Variants in MPP7 observed in about 807,000 individuals in gnomAD.
MPP7 encodes MAGUK p55 scaffold protein 7, also known as MAGUK p55 subfamily member 7.
Under a neutral mutation model 76.5 loss-of-function variants are expected in MPP7, and 60 were observed. That is an observed-to-expected ratio of 0.78 (90% CI 0.64 to 0.97). MPP7 has a LOEUF of 0.97. MPP7 is among the 50% of genes least tolerant of loss of function. The pLI is 0.00. For missense variants in MPP7, 641 were observed against 694.0 expected, an observed-to-expected ratio of 0.92 and a Z score of 0.86; for synonymous variants, 237 against 244.5, an observed-to-expected ratio of 0.97 and a Z score of 0.29.
At chr10:28,244,182 A>G (rs1384399610) in intron 1 of MPP7, among the ~76,000 whole-genome samples, 1 of 152,196 alleles carries the variant, frequency 6.6e-6, no homozygotes, top group African/African-American at 2.4e-5. Flanking sequence ...CCACTATTCT[A>G]TATCCTTACA....
chr10:28,296,132 C>T (rs1457759484), intron 1 of MPP7, among the ~76,000 whole-genome samples: 1 of 152,132 alleles, frequency 6.6e-6, no homozygotes, highest in East Asian at 1.9e-4. Flanking sequence ...TCTTAAAATG[C>T]TTAATGACCT....
rs979414776 is a variant in MPP7 at position 28,052,123 on chromosome 10, T to C, written c.*1942A>G. On this transcript the variant is annotated 3_prime_UTR_variant, in exon 17 of 17. Transcript: ENST00000683449. The stretch of plus-strand genomic sequence containing the variant: ...AAATAACTGAAGCAATTATCTGCAA[T>C]TTTTTTAAAATGTGGGTATTTCAGG... 1.3e-5 allele frequency: 2 copies of C among 151,140 alleles called. No homozygotes were observed. Among genetic ancestry groups the C allele is most frequent in the Admixed American group, 1.3e-4 (2 of 15,224 alleles). 9.4% of individuals were successfully genotyped at this position (151,140 alleles called of 1,614,324 possible).
intron 2 of MPP7, among the ~76,000 whole-genome samples, chr10:28,229,349 A>G (rs769607844): frequency 4.6e-5 from 7 of 152,248 alleles, no homozygotes; most frequent in Non-Finnish European, 1.0e-4. Context: ...GGAAAAAATA[A>G]TAACTGCTAA....
intron 2 of MPP7, among the ~76,000 whole-genome samples, chr10:28,313,853 A>ATTTTTTT (rs1192149562): frequency 6.1e-4 from 20 of 32,670 alleles, no homozygotes; most frequent in African/African-American, 1.4e-3. Context: ...TACCTGGCTA[A>ATTTTTTT]TTTTTTTTTT....
chr10:28,197,625 C>G (rs565181556), intron 3 of MPP7, among the ~76,000 whole-genome samples: 1 of 152,166 alleles, frequency 6.6e-6, no homozygotes, highest in Non-Finnish European at 1.5e-5. Context: ...TCTTAGAATA[C>G]TGTAATCATC....
At chr10:28,273,225 G>A (rs1489078323) in intron 1 of MPP7, among the ~76,000 whole-genome samples, 1 of 152,080 alleles carries the variant, frequency 6.6e-6, no homozygotes, top group Non-Finnish European at 1.5e-5. Flanking sequence ...GCCCCAAAAT[G>A]TTATTTTAAA....
intron 12 of MPP7, 45 bp from the exon 13 acceptor site, chr10:28,069,897 C>T: frequency 7.0e-7 from 1 of 1,430,592 alleles, no homozygotes; most frequent in Non-Finnish European, 9.8e-7. Context: ...CAAAACACCA[C>T]ATAAACATTT....
At chr10:28,169,105 T>C (rs1359069088) in intron 3 of MPP7, among the ~76,000 whole-genome samples, 4 of 152,166 alleles carry the variant, frequency 2.6e-5, no homozygotes, top group African/African-American at 9.7e-5. Flanking sequence ...TAAAACTTGA[T>C]ATCTAGTGGG....
intron 3 of MPP7, among the ~76,000 whole-genome samples, chr10:28,168,427 G>A (rs1836562229): frequency 6.6e-6 from 1 of 152,008 alleles, no homozygotes; most frequent in South Asian, 2.1e-4. Flanking sequence ...TTATTTATGG[G>A]ACACCTTGAT....
chr10:28,098,911 C>T (rs1045642593), intron 11 of MPP7, among the ~76,000 whole-genome samples: 3 of 151,502 alleles, frequency 2.0e-5, no homozygotes, highest in African/African-American at 4.8e-5. Flanking sequence ...TAAGTAGTAA[C>T]GATGAAAAAA....
At chr10:28,290,991 C>T (rs1272609851) in intron 1 of MPP7, among the ~76,000 whole-genome samples, 1 of 152,058 alleles carries the variant, frequency 6.6e-6, no homozygotes, top group Non-Finnish European at 1.5e-5. Flanking sequence ...TAGGATTATC[C>T]TGATGACACG....
Position 28,118,521 on chromosome 10 carries a change from C to T in MPP7, c.952+1130G>A, listed in dbSNP as rs73606067. On this transcript the variant is annotated intron_variant, in intron 11 of 16. Coordinates refer to ENST00000683449, the MANE Select transcript of MPP7 (RefSeq NM_001318170.2). ...AAAATCCCTTTGAGAGCCAGTCAGG[C>T]AAGGAGCCTCAAAGCTCCTTTCTGT... 4.0e-3 allele frequency: 3,964 copies of T among 985,264 alleles called. 103 individuals carry two copies. In the African/African-American group the frequency reaches 0.056, roughly 14 times the overall value. The allele number at this position is 985,264 out of a possible 1,614,324, so 61.0% of individuals were successfully genotyped here.
chr10:28,246,741 A>G (rs1362958142), intron 1 of MPP7, among the ~76,000 whole-genome samples: 1 of 152,138 alleles, frequency 6.6e-6, no homozygotes, highest in Non-Finnish European at 1.5e-5. Context: ...TCACAAAAAG[A>G]GCATGGTGGA....
At chr10:28,310,865 G>T (rs1841286071) in intron 2 of MPP7, among the ~76,000 whole-genome samples, 1 of 152,196 alleles carries the variant, frequency 6.6e-6, no homozygotes. Flanking sequence ...TTTGGTTGGT[G>T]CAAAAGCAAT....
rs757882384 is a variant in MPP7 at position 28,059,624 on chromosome 10, G to A, written c.1298+26C>T. On this transcript the variant is annotated intron_variant, in intron 14 of 16. Coordinates refer to ENST00000683449, the MANE Select transcript of MPP7 (RefSeq NM_001318170.2). ...ATGTGCTTATAAAAAACAGTCACAT[G>A]AAAATTCTCAAAAATGTCCACATAC... The A allele has an allele frequency of 1.1e-5, 17 of 1,547,618 alleles. No homozygotes were observed. The African/African-American group carries it at 1.9e-4, about 17-fold the overall frequency.
intron 15 of MPP7, 32 bp downstream of exon 15, chr10:28,058,463 G>A (rs574680131): frequency 2.9e-5 from 35 of 1,227,478 alleles, no homozygotes; most frequent in Non-Finnish European, 3.9e-5. Flanking sequence ...ACATGGGTCA[G>A]AAGGGTATTG....
chr10:28,159,909 T>C (rs1473516997), intron 3 of MPP7, among the ~76,000 whole-genome samples: 3 of 152,160 alleles, frequency 2.0e-5, no homozygotes, highest in Non-Finnish European at 4.4e-5. Flanking sequence ...ACACATTTCA[T>C]GGTACAACAA....
intron 1 of MPP7, among the ~76,000 whole-genome samples, chr10:28,282,807 T>C (rs1018413252): frequency 6.6e-6 from 1 of 151,948 alleles, no homozygotes; most frequent in African/African-American, 2.4e-5. Context: ...TCTGTGTCGG[T>C]GACCTCCTCC....
At chr10:28,096,036 G>C (rs11006859) in intron 11 of MPP7, among the ~76,000 whole-genome samples, 7 of 152,156 alleles carry the variant, frequency 4.6e-5, no homozygotes, top group Non-Finnish European at 1.0e-4. Flanking sequence ...TTTTCCAGTA[G>C]AAAATTTATG....
Sources: allele counts gnomAD v4.1 joint callset (sites outside exome capture counted in the v4.1 genomes callset), GRCh38; gene constraint gnomAD v4.1.1; transcripts MANE v1.5; gene names NCBI Gene and HGNC (gene_info 2026-07-23, HGNC 2026-07-21).